The following GON4L variants were observed in gnomAD, a reference collection of about 807,000 sequenced individuals.
The protein encoded by GON4L is GON-4-like protein.
In GON4L, 87 loss-of-function variants were observed where a neutral mutation model predicts 211.8. That is an observed-to-expected ratio of 0.41 (90% confidence interval 0.35 to 0.49). GON4L has a LOEUF of 0.49. Ranked by LOEUF, GON4L falls within the 20% of genes least tolerant of loss-of-function variation. The pLI is 0.15. For missense variants in GON4L, 2,155 were observed against 2,659.5 expected (o/e 0.81, Z 4.17); for synonymous variants, 875 against 962.6 (o/e 0.91, Z 1.68).
At chr1:155,787,328 T>C (rs1406101934) in intron 12 of GON4L, among the ~76,000 whole-genome samples, 3 of 151,856 alleles carry the variant, frequency 2.0e-5, no homozygotes, top group African/African-American at 7.3e-5. Context: ...AAAGTTTTGG[T>C]TGATATCAAG....
In GON4L at chr1:155,815,802, G is replaced by A; in HGVS notation, c.1161+3C>T. ...CAAATATTACCAACTAACATTCACT[G>A]ACCTCTTCAGCAGTTTCATCTTCTT... On this transcript the variant is annotated splice_donor_region_variant and intron_variant, in intron 8 of 31. Coordinates refer to ENST00000368331, the MANE Select transcript of GON4L (RefSeq NM_001282860.2). 6.5e-7 allele frequency: 1 copy of A among 1,531,256 alleles called. No homozygotes were observed. Among genetic ancestry groups the A allele is most frequent in the Non-Finnish European group, 9.1e-7 (1 of 1,104,664 alleles). 94.9% of individuals were successfully genotyped at this position (1,531,256 alleles called of 1,614,324 possible).
chr1:155,779,253 C>CAAAAAAAAAA (rs764871817), intron 14 of GON4L, among the ~76,000 whole-genome samples: 1 of 10,672 alleles, frequency 9.4e-5, no homozygotes, highest in African/African-American at 2.0e-4. Flanking sequence ...GACTCTGTCT[C>CAAAAAAAAAA]AAAAAAAAAA....
downstream of GON4L, chr1:155,749,217 A>G (rs1660372642): frequency 7.0e-7 from 1 of 1,426,698 alleles, no homozygotes; most frequent in Non-Finnish European, 9.6e-7. Flanking sequence ...ACACCATTGC[A>G]CTCCAGTCTG....
At chr1:155,842,033 A>G (rs1670814453) in intron 2 of GON4L, among the ~76,000 whole-genome samples, 2 of 152,000 alleles carry the variant, frequency 1.3e-5, no homozygotes, top group Admixed American at 1.3e-4. Context: ...GTCTCAAAAA[A>G]AAAAAGAAAC....
chr1:155,786,530 T>TA (rs1209911080), intron 12 of GON4L, among the ~76,000 whole-genome samples: 43 of 148,866 alleles, frequency 2.9e-4, no homozygotes, highest in Admixed American at 6.7e-4. Flanking sequence ...GATATTGTCT[T>TA]AAAAAAAAAA....
At chr1:155,785,237 C>G (rs1397914940) in intron 13 of GON4L, 97 bp downstream of exon 13, 5 of 832,360 alleles carry the variant, frequency 6.0e-6, no homozygotes, top group Non-Finnish European at 1.1e-5. Flanking sequence ...TCAGTCAGAC[C>G]CCCTCTCCTA....
intron 2 of GON4L, among the ~76,000 whole-genome samples, chr1:155,842,206 CT>C (rs945830757): frequency 2.0e-5 from 3 of 151,998 alleles, no homozygotes; most frequent in African/African-American, 7.2e-5. Context: ...AGATTGTTCC[CT>C]GTTTAACCAG....
At position 155,765,715 on chromosome 1, in the gene GON4L, T is replaced by C. The variant is rs968930656; in HGVS notation, c.3758A>G (p.Glu1253Gly). 3.7e-6 allele frequency: 6 copies of C among 1,614,074 alleles called. No homozygotes were observed. The highest frequency in any genetic ancestry group is 5.1e-6 in the Non-Finnish European group (6 of 1,180,050). The change falls in exon 21 of 32, where the codon GAA (glutamate) becomes GGA (glycine). Residue 1253 changes from glutamate (E) to glycine (G), a missense_variant. This residue lies in a region of GON4L where 615 missense variants were observed against 625.7 expected (regional missense o/e 0.98). Coordinates refer to ENST00000368331, the MANE Select transcript of GON4L (RefSeq NM_001282860.2). ...QGLEPKLEPQ[E>G]LSPLSATVFP... ...AACAGTAGCAGAGAGAGGAGATAGT[T>C]CCTGGGGCTCTAATTTGGGTTCTAG...
chr1:155,765,062 C>T lies in GON4L; in HGVS notation c.4411G>A (p.Asp1471Asn), dbSNP rs748290334. 2 of 1,614,156 alleles carry T rather than the reference C, an allele frequency of 1.2e-6. No individual in the cohort carries two copies. Among genetic ancestry groups the T allele is most frequent in the East Asian group, 2.2e-5 (1 of 44,876 alleles). ...EEEDFDDLTQ[D>N]EEDEMSSASE... ...GCTGATGACATTTCATCTTCCTCAT[C>T]TTGGGTGAGGTCATCAAAGTCCTCT... The change falls in exon 21 of 32, where the codon GAT becomes AAT. Residue 1471 changes from aspartate to asparagine, a missense_variant. By Grantham distance (23) the Asp-to-Asn change is conservative. Around this residue, in one of 6 missense-constraint regions of GON4L, gnomAD observed 615 missense variants for 625.7 expected, o/e 0.98. Transcript: ENST00000368331.
intron 28 of GON4L, among the ~76,000 whole-genome samples, chr1:155,753,619 C>G (rs1660842450): frequency 6.6e-6 from 1 of 152,142 alleles, no homozygotes; most frequent in Non-Finnish European, 1.5e-5. Flanking sequence ...GTGTGAGCAT[C>G]ACTTGAGCCT....
intron 19 of GON4L, among the ~76,000 whole-genome samples, chr1:155,769,033 G>A (rs1662875784): frequency 6.6e-6 from 1 of 152,116 alleles, no homozygotes; most frequent in African/African-American, 2.4e-5. Flanking sequence ...CTGGAGTGCA[G>A]GGGAGTGATC....
chr1:155,778,264 T>C (rs1437255635), intron 14 of GON4L, among the ~76,000 whole-genome samples: 1 of 152,104 alleles, frequency 6.6e-6, no homozygotes, highest in Non-Finnish European at 1.5e-5. Flanking sequence ...AATTTAAATA[T>C]TTTTTGAGAC....
At chr1:155,785,431 G>C (rs1664843436) in intron 12 of GON4L, 57 bp from the exon 13 acceptor site, 1 of 1,152,346 alleles carries the variant, frequency 8.7e-7, no homozygotes, top group African/African-American at 1.5e-5. Flanking sequence ...CAATAAGGAG[G>C]AATTCCATGA....
chr1:155,766,468 T>G lies in GON4L; in HGVS notation c.3005A>C (p.Lys1002Thr). The G allele has an allele frequency of 1.2e-6, 2 of 1,614,096 alleles. No homozygotes were observed. Among genetic ancestry groups the G allele is most frequent in the Non-Finnish European group, 1.7e-6 (2 of 1,180,020 alleles). ...GGGGCTGGGTTGGATAAGGAGGGGC[T>G]TCAGGACTGATGAACGCTTCTGTCT... Reference protein sequence around the residue: ...AWRQKRSSVLKPLLIQPSPSL... With the variant: ...AWRQKRSSVLTPLLIQPSPSL... The change falls in exon 21 of 32, where the codon AAG becomes ACG. Residue 1002 changes from lysine to threonine, a missense_variant. Coordinates refer to ENST00000368331, the MANE Select transcript of GON4L (RefSeq NM_001282860.2).
At chr1:155,807,283 C>G (rs1667223536) in intron 10 of GON4L, among the ~76,000 whole-genome samples, 1 of 152,010 alleles carries the variant, frequency 6.6e-6, no homozygotes, top group African/African-American at 2.4e-5. Context: ...GCCTGTAGTT[C>G]CAGCTATGCA....
rs1049353006 is a variant in GON4L at position 155,750,639 on chromosome 1, G to A, written c.6671C>T (p.Ala2224Val). 1 of 1,576,496 alleles carries A rather than the reference G, an allele frequency of 6.3e-7. No homozygotes were observed. The highest frequency in any genetic ancestry group is 1.3e-5 in the African/African-American group (1 of 74,196). ...GTCCCCATGGTCAGACAGCTGGTCT[G>A]CATTGCTGGTACTGGTTGCATCATC... ...DEDDATSTSNADQLSDHGDLL... is the reference protein window; with the variant it reads ...DEDDATSTSNVDQLSDHGDLL... The change falls in exon 32 of 32, where the codon GCA (alanine) becomes GTA (valine). Residue 2224 changes from alanine (A) to valine (V), a missense_variant. Ala to Val is a moderately conservative substitution (Grantham distance 64). This residue lies in a region of GON4L where 186 missense variants were observed against 308.1 expected (regional missense o/e 0.60). Coordinates refer to ENST00000368331, the MANE Select transcript of GON4L (RefSeq NM_001282860.2).
chr1:155,821,059 G>T (rs1668688331), intron 5 of GON4L, among the ~76,000 whole-genome samples: 1 of 152,090 alleles, frequency 6.6e-6, no homozygotes. Flanking sequence ...AAGGTCAGGA[G>T]ATCGAGACCG....
chr1:155,748,352 T>C, downstream of GON4L: 2 of 1,549,000 alleles, frequency 1.3e-6, no homozygotes, highest in South Asian at 2.2e-5. Flanking sequence ...CTCCACACAT[T>C]CTTTTCCAGG....
chr1:155,837,394 T>C (rs939579787), intron 2 of GON4L, among the ~76,000 whole-genome samples: 14 of 152,308 alleles, frequency 9.2e-5, no homozygotes, highest in Non-Finnish European at 1.8e-4. Context: ...AACCCCTCTC[T>C]TCCCCAATTC....
Sources: allele counts gnomAD v4.1 joint callset (sites outside exome capture counted in the v4.1 genomes callset), GRCh38; gene constraint gnomAD v4.1.1; regional missense constraint gnomAD v4.1.1; transcripts MANE v1.5; gene names NCBI Gene and HGNC (gene_info 2026-07-23, HGNC 2026-07-21).